Variants in ADGB observed in about 807,000 individuals in gnomAD.
ADGB encodes the protein androglobin.
A neutral mutation model predicts 210.5 loss-of-function variants in ADGB; 172 were observed. The ratio of observed to expected loss-of-function variants is 0.82; its 90% CI spans 0.72 to 0.93. The LOEUF (loss-of-function observed/expected upper bound fraction) is 0.93, where lower values mean the gene tolerates loss of function less well. Among genes scored for constraint, ADGB ranks in the 40% least tolerant of loss-of-function variants. ADGB has a pLI of 0.00. For synonymous variants in ADGB, 658 were observed against 662.7 expected (o/e 0.99, Z 0.11); for missense variants, 2,025 against 1,964.8 (o/e 1.03, Z -0.58).
chr6:146,672,521 C>T (rs1468309660), intron 8 of ADGB, 54 bp downstream of exon 8: 3 of 1,462,032 alleles, frequency 2.1e-6, no homozygotes, highest in East Asian at 2.5e-5. Flanking sequence ...ATATAAATGC[C>T]TTACAATTTT....
intron 3 of ADGB, among the ~76,000 whole-genome samples, chr6:146,647,904 T>C (rs913062554): frequency 2.0e-5 from 3 of 152,028 alleles, no homozygotes; most frequent in Middle Eastern, 6.3e-3. Context: ...AAAACCTTTC[T>C]TTAACATAAG....
intron 9 of ADGB, among the ~76,000 whole-genome samples, chr6:146,682,519 A>G (rs1305523347): frequency 6.6e-6 from 1 of 152,070 alleles, no homozygotes; most frequent in East Asian, 1.9e-4. Flanking sequence ...TTCTTTCTCA[A>G]TTATTAAGCA....
chr6:146,737,052 C>G (rs969179327), intron 23 of ADGB, among the ~76,000 whole-genome samples: 59 of 151,900 alleles, frequency 3.9e-4, no homozygotes, highest in African/African-American at 1.4e-3. Context: ...AAATTACACA[C>G]CCACTCACCT....
At chr6:146,766,094 C>G (rs1777569441) in intron 28 of ADGB, among the ~76,000 whole-genome samples, 1 of 152,032 alleles carries the variant, frequency 6.6e-6, no homozygotes, top group Non-Finnish European at 1.5e-5. Flanking sequence ...AGAAACAGCT[C>G]TGTGCCAGCA....
intron 1 of ADGB, among the ~76,000 whole-genome samples, chr6:146,611,553 C>T (rs548170036): frequency 1.3e-5 from 2 of 152,274 alleles, no homozygotes; most frequent in South Asian, 2.1e-4. Flanking sequence ...CCACTCCATG[C>T]CTATTTATCT....
At chr6:146,645,675 T>G (rs1217202278) in intron 3 of ADGB, among the ~76,000 whole-genome samples, 1 of 151,980 alleles carries the variant, frequency 6.6e-6, no homozygotes, top group East Asian at 1.9e-4. Context: ...TTCCTAAAAG[T>G]TTTACCCATT....
chr6:146,751,566 C>T (rs1253981178), intron 26 of ADGB, among the ~76,000 whole-genome samples: 1 of 152,122 alleles, frequency 6.6e-6, no homozygotes, highest in Non-Finnish European at 1.5e-5. Flanking sequence ...CTGTCTTCCA[C>T]AATGATTGAA....
intron 13 of ADGB, among the ~76,000 whole-genome samples, chr6:146,709,574 T>C (rs1776630576): frequency 6.6e-6 from 1 of 152,220 alleles, no homozygotes; most frequent in Non-Finnish European, 1.5e-5. Flanking sequence ...AGACTGATAC[T>C]GGCATAGACC....
intron 11 of ADGB, among the ~76,000 whole-genome samples, chr6:146,691,564 G>A (rs1283045281): frequency 3.5e-5 from 4 of 115,810 alleles, no homozygotes; most frequent in Non-Finnish European, 6.5e-5. Flanking sequence ...CTGGAGTGCA[G>A]TGGCATGATC....
chr6:146,697,909 T>G lies in ADGB; in HGVS notation c.1578-3032T>G, dbSNP rs145823298. 1.0e-2 allele frequency among the ~76,000 whole-genome samples: 1,515 copies of G among 152,258 alleles called. 82 individuals carry two copies. Among genetic ancestry groups the G allele is most frequent in the Admixed American group, 0.092 (1,408 of 15,274 alleles). On this transcript the variant is annotated intron_variant, in intron 12 of 35. Coordinates refer to ENST00000397944, the MANE Select transcript of ADGB (RefSeq NM_024694.4). Reference sequence around the variant, plus strand: ...AATGCAATAAAAGTGAAATAAAGACTGCTATACAAAGCAATATGGACAAAT... The same window carrying G: ...AATGCAATAAAAGTGAAATAAAGACGGCTATACAAAGCAATATGGACAAAT...
At chr6:146,804,669 T>C (rs1778184760) in intron 35 of ADGB, among the ~76,000 whole-genome samples, 1 of 152,202 alleles carries the variant, frequency 6.6e-6, no homozygotes, top group Admixed American at 6.5e-5. Flanking sequence ...TGTCATTCTT[T>C]CTTATTCAGA....
chr6:146,813,334 A>G (rs553398528), intron 35 of ADGB, among the ~76,000 whole-genome samples: 2 of 152,210 alleles, frequency 1.3e-5, no homozygotes, highest in East Asian at 3.9e-4. Context: ...GTGGAATTTC[A>G]TGGATATTAG....
At chr6:146,636,291 A>G (rs1377464941) in intron 2 of ADGB, among the ~76,000 whole-genome samples, 1 of 152,084 alleles carries the variant, frequency 6.6e-6, no homozygotes, top group Non-Finnish European at 1.5e-5. Context: ...TGAACTTTAC[A>G]TAAAGCATTC....
At chr6:146,732,218 T>C (rs1302685663) in intron 20 of ADGB, among the ~76,000 whole-genome samples, 2 of 152,218 alleles carry the variant, frequency 1.3e-5, no homozygotes, top group Non-Finnish European at 2.9e-5. Flanking sequence ...AGATTTTCTA[T>C]AACCTCTTGG....
chr6:146,607,146 T>C (rs1042315633), intron 1 of ADGB, among the ~76,000 whole-genome samples: 3 of 152,198 alleles, frequency 2.0e-5, no homozygotes, highest in Admixed American at 2.0e-4. Context: ...AGGTATTCTA[T>C]TCTTTTGTGG....
chr6:146,735,315 A>G (rs1332576363), intron 22 of ADGB, among the ~76,000 whole-genome samples: 1 of 152,170 alleles, frequency 6.6e-6, no homozygotes, highest in African/African-American at 2.4e-5. Flanking sequence ...AGGCTGGAAA[A>G]TCCAAAATCA....
intron 1 of ADGB, among the ~76,000 whole-genome samples, chr6:146,632,228 C>T (rs903126463): frequency 9.2e-5 from 14 of 152,198 alleles, no homozygotes; most frequent in African/African-American, 3.4e-4. Flanking sequence ...AATCCACTTC[C>T]TTGCCTTTCC....
chr6:146,607,619 A>C (rs1005074447), intron 1 of ADGB, among the ~76,000 whole-genome samples: 8 of 152,168 alleles, frequency 5.3e-5, no homozygotes, highest in African/African-American at 1.9e-4. Flanking sequence ...AGATTTTATC[A>C]AAAGCCTTTG....
rs533423548 is a variant in ADGB, at chr6:146,642,491, C to T, written c.238-2282C>T. 1.6e-4 allele frequency among the ~76,000 whole-genome samples: 25 copies of T among 152,004 alleles called. 1 individual carries two copies. The highest frequency in any genetic ancestry group is 1.3e-3 in the Admixed American group (20 of 15,226). On this transcript the variant is annotated intron_variant, in intron 2 of 35. Coordinates refer to ENST00000397944, the MANE Select transcript of ADGB (RefSeq NM_024694.4). The stretch of plus-strand genomic sequence containing the variant: ...AAAAACATGGAAGCAACCTGAATAC[C>T]CATCAATGACAGAATGAATAAAGAA...
Sources: allele counts gnomAD v4.1 joint callset (sites outside exome capture counted in the v4.1 genomes callset), GRCh38; gene constraint gnomAD v4.1.1; transcripts MANE v1.5; gene names NCBI Gene and HGNC (gene_info 2026-07-23, HGNC 2026-07-21).